LYPLAL1: variants seen among roughly 807,000 people sequenced by gnomAD.
LYPLAL1 encodes lysophospholipase like 1, also known as lysophospholipase-like protein 1.
In LYPLAL1, 23 loss-of-function variants were observed where a neutral mutation model predicts 19.7. That is an observed-to-expected ratio of 1.17 (90% confidence interval 0.84 to 1.65). The LOEUF (loss-of-function observed/expected upper bound fraction) is 1.65, where lower values mean the gene tolerates loss of function less well. Ranked by LOEUF, LYPLAL1 falls within the 40% of genes most tolerant of loss-of-function variation. The probability of loss-of-function intolerance (pLI) is 0.00; values close to 1 mark genes in which losing one functional copy is unlikely to be tolerated. For missense variants in LYPLAL1, 355 were observed against 279.4 expected (o/e 1.27, Z -1.93); for synonymous variants, 119 against 96.3 (o/e 1.24, Z -1.38).
At chr1:219,304,834 A>G in the LYPLAL1 span, among the ~76,000 whole-genome samples, 1 of 152,334 alleles carries the variant, frequency 6.6e-6, no homozygotes, top group South Asian at 2.1e-4. Context: ...ACAAGGTCAT[A>G]GCACAATAAA....
At chr1:219,333,322 T>A in the LYPLAL1 span, among the ~76,000 whole-genome samples, 1 of 152,040 alleles carries the variant, frequency 6.6e-6, no homozygotes. Context: ...ATAGCAATAT[T>A]CCCACATTGC....
the LYPLAL1 span, among the ~76,000 whole-genome samples, chr1:219,310,264 T>A: frequency 1.3e-5 from 2 of 152,210 alleles, no homozygotes; most frequent in Non-Finnish European, 2.9e-5. Flanking sequence ...TGTACCTATT[T>A]ATGGGGGTGA....
At chr1:219,368,887 T>A in the LYPLAL1 span, among the ~76,000 whole-genome samples, 42 of 152,342 alleles carry the variant, frequency 2.8e-4, no homozygotes, top group African/African-American at 9.1e-4. Context: ...AGCTGATGAA[T>A]CACTTGATTT....
chr1:219,422,895 G>T, the LYPLAL1 span, among the ~76,000 whole-genome samples: 1 of 152,014 alleles, frequency 6.6e-6, no homozygotes, highest in Non-Finnish European at 1.5e-5. Flanking sequence ...GTCATCTTTG[G>T]TCATTCACTT....
At chr1:219,396,127 T>A in the LYPLAL1 span, among the ~76,000 whole-genome samples, 1 of 149,236 alleles carries the variant, frequency 6.7e-6, no homozygotes, top group South Asian at 2.1e-4. Context: ...AAAGAAGGAG[T>A]CCAATTTCAA....
chr1:219,428,977 G>A, the LYPLAL1 span, among the ~76,000 whole-genome samples: 26 of 152,260 alleles, frequency 1.7e-4, no homozygotes, highest in Non-Finnish European at 2.4e-4. Flanking sequence ...ACGTGTGTGC[G>A]TATGTTTTCA....
intron 2 of LYPLAL1, among the ~76,000 whole-genome samples, chr1:219,184,903 T>G (rs1028153402): frequency 6.6e-6 from 1 of 151,480 alleles, no homozygotes. Flanking sequence ...TTAATGCCTT[T>G]GAAAAACGTT....
At chr1:219,184,196 G>C (rs1401652117) in intron 2 of LYPLAL1, among the ~76,000 whole-genome samples, 1 of 151,692 alleles carries the variant, frequency 6.6e-6, no homozygotes, top group Non-Finnish European at 1.5e-5. Context: ...ATTTACTTAG[G>C]TCTTTATTAA....
the LYPLAL1 span, among the ~76,000 whole-genome samples, chr1:219,263,525 C>G: frequency 6.6e-5 from 10 of 152,066 alleles, no homozygotes; most frequent in African/African-American, 2.4e-4. Flanking sequence ...CTGTTTGTCC[C>G]CTAGATTCTG....
the LYPLAL1 span, chr1:219,435,552 G>A: frequency 9.2e-5 from 14 of 152,314 alleles, no homozygotes; most frequent in African/African-American, 3.4e-4. Flanking sequence ...GCTGGGTGCG[G>A]TGGCTCATGC....
chr1:219,319,315 T>C, the LYPLAL1 span, among the ~76,000 whole-genome samples: 1 of 151,746 alleles, frequency 6.6e-6, no homozygotes, highest in African/African-American at 2.4e-5. Flanking sequence ...GGAGAAGGAG[T>C]GCCATTAATG....
At chr1:219,196,970 A>T (rs1441446449) in intron 3 of LYPLAL1, among the ~76,000 whole-genome samples, 1 of 152,198 alleles carries the variant, frequency 6.6e-6, no homozygotes, top group Non-Finnish European at 1.5e-5. Flanking sequence ...ACCACTGCTC[A>T]AGGAAATAAG....
At chr1:219,357,792 A>G in the LYPLAL1 span, among the ~76,000 whole-genome samples, 1 of 152,200 alleles carries the variant, frequency 6.6e-6, no homozygotes, top group Non-Finnish European at 1.5e-5. Context: ...ACTGGAAGCA[A>G]CAAAGATGTG....
intron 3 of LYPLAL1, among the ~76,000 whole-genome samples, chr1:219,195,039 C>G (rs960307887): frequency 6.6e-6 from 1 of 151,974 alleles, no homozygotes; most frequent in Non-Finnish European, 1.5e-5. Flanking sequence ...GAGTTCAAAT[C>G]TACAGTCCAC....
the LYPLAL1 span, among the ~76,000 whole-genome samples, chr1:219,260,422 T>A: frequency 6.6e-6 from 1 of 151,684 alleles, no homozygotes; most frequent in South Asian, 2.1e-4. Context: ...AAGGAAATAA[T>A]AAAGCATAAA....
chr1:219,286,297 C>CTAT, the LYPLAL1 span, among the ~76,000 whole-genome samples: 1 of 152,136 alleles, frequency 6.6e-6, no homozygotes, highest in Non-Finnish European at 1.5e-5. Context: ...TGGCAAGTTA[C>CTAT]TATTTTAATA....
At chr1:219,363,409 AT>A in the LYPLAL1 span, among the ~76,000 whole-genome samples, 2 of 152,166 alleles carry the variant, frequency 1.3e-5, no homozygotes, top group African/African-American at 4.8e-5. Context: ...AAATGATAAC[AT>A]TTGGGGATAT....
chr1:219,376,817 A>G, the LYPLAL1 span, among the ~76,000 whole-genome samples: 1 of 152,214 alleles, frequency 6.6e-6, no homozygotes, highest in Non-Finnish European at 1.5e-5. Flanking sequence ...CAACTACAAC[A>G]ACAAAACATA....
At chr1:219,250,483 G>GTTTATTTT in the LYPLAL1 span, among the ~76,000 whole-genome samples, 4 of 151,910 alleles carry the variant, frequency 2.6e-5, no homozygotes, top group Non-Finnish European at 5.9e-5. Flanking sequence ...TTTTAGGTTT[G>GTTTATTTT]AGGGTACATG....
Sources: allele counts gnomAD v4.1 joint callset (sites outside exome capture counted in the v4.1 genomes callset), GRCh38; gene constraint gnomAD v4.1.1; transcripts MANE v1.5; gene names NCBI Gene and HGNC (gene_info 2026-07-23, HGNC 2026-07-21).